The following PCDHA12 variants were observed in gnomAD, a reference collection of about 807,000 sequenced individuals.
The protein encoded by PCDHA12 is protocadherin alpha 12.
Under a neutral mutation model 60.0 loss-of-function variants are expected in PCDHA12, and 44 were observed. That is an observed-to-expected ratio of 0.73 (90% CI 0.58 to 0.94). The LOEUF is 0.94. PCDHA12 is among the 40% of genes least tolerant of loss of function. PCDHA12 has a pLI of 0.00. For synonymous variants in PCDHA12, 569 were observed against 553.0 expected (o/e 1.03, Z -0.40); for missense variants, 1,276 against 1,239.7 (o/e 1.03, Z -0.44).
At chr5:140,989,171 G>A (rs2097331816) in intron 3 of PCDHA12, among the ~76,000 whole-genome samples, 1 of 152,116 alleles carries the variant, frequency 6.6e-6, no homozygotes, top group African/African-American at 2.4e-5. Flanking sequence ...GCATAAAACA[G>A]GAGAGTTTCT....
At chr5:141,003,181 C>T (rs564008062) in intron 3 of PCDHA12, among the ~76,000 whole-genome samples, 8 of 152,328 alleles carry the variant, frequency 5.3e-5, no homozygotes, top group African/African-American at 1.7e-4. Flanking sequence ...AGGCTCAACT[C>T]CATCAACTCA....
At position 140,876,204 on chromosome 5, in the gene PCDHA12, G is replaced by A. The variant is rs1582266262; in HGVS notation, c.732G>A (p.Lys244=). The change falls in exon 1 of 4, where the codon AAG becomes AAA. Residue 244 remains lysine (K), a synonymous_variant. Coordinates refer to ENST00000398631, the MANE Select transcript of PCDHA12 (RefSeq NM_018903.4). ...ATGACAATGGTCCGGCGTTTGATAA[G>A]CCCAGCTATAAAGTAGTGTTGTCTG... is the stretch of plus-strand genomic sequence containing the variant. The part of the protein sequence containing the change: ...DVNDNGPAFD[K]PSYKVVLSEN... 6.2e-7 allele frequency: 1 copy of A among 1,613,934 alleles called. No homozygotes were observed. Among genetic ancestry groups the A allele is most frequent in the Non-Finnish European group, 8.5e-7 (1 of 1,179,896 alleles).
intron 1 of PCDHA12, among the ~76,000 whole-genome samples, chr5:140,942,069 A>G (rs1384507706): frequency 1.3e-5 from 2 of 152,234 alleles, no homozygotes; most frequent in Non-Finnish European, 2.9e-5. Flanking sequence ...TAATTGAGCC[A>G]AGAGAGCACA....
intron 1 of PCDHA12, chr5:140,967,750 C>A (rs782284231): frequency 1.4e-5 from 22 of 1,614,072 alleles, no homozygotes; most frequent in Non-Finnish European, 1.7e-6. Flanking sequence ...ATGAGGAAGC[C>A]TCCTCCTACC....
At chr5:140,965,103 A>G (rs1453303865) in intron 1 of PCDHA12, among the ~76,000 whole-genome samples, 1 of 152,234 alleles carries the variant, frequency 6.6e-6, no homozygotes, top group Non-Finnish European at 1.5e-5. Context: ...TAGCTAGAAA[A>G]TGACCCATAG....
At chr5:140,926,165 T>A (rs570168495) in intron 1 of PCDHA12, among the ~76,000 whole-genome samples, 31 of 151,794 alleles carry the variant, frequency 2.0e-4, no homozygotes, top group Admixed American at 1.5e-3. Flanking sequence ...TGCAGCAGGA[T>A]CCAGCGCGGA....
At chr5:140,942,668 A>G (rs1047486718) in intron 1 of PCDHA12, among the ~76,000 whole-genome samples, 7 of 152,336 alleles carry the variant, frequency 4.6e-5, no homozygotes, top group Admixed American at 2.0e-4. Flanking sequence ...CAATAAGCAC[A>G]AAAGTTTTAG....
At chr5:140,884,585 A>C in intron 1 of PCDHA12, 2 of 1,614,190 alleles carry the variant, frequency 1.2e-6, no homozygotes, top group Non-Finnish European at 1.7e-6. Context: ...CATGGCCTTC[A>C]GTCCCAGCCT....
intron 1 of PCDHA12, among the ~76,000 whole-genome samples, chr5:140,934,783 A>C (rs2090034582): frequency 6.6e-6 from 1 of 152,180 alleles, no homozygotes; most frequent in Non-Finnish European, 1.5e-5. Context: ...GGCCCAATCC[A>C]TGTCAATTAT....
At chr5:140,968,341 C>T in intron 1 of PCDHA12, 1 of 1,614,132 alleles carries the variant, frequency 6.2e-7, no homozygotes, top group Non-Finnish European at 8.5e-7. Context: ...TCTCCATTAA[C>T]AGTGCCAGTG....
At chr5:140,948,237 T>C (rs532703710) in intron 1 of PCDHA12, among the ~76,000 whole-genome samples, 1 of 151,810 alleles carries the variant, frequency 6.6e-6, no homozygotes, top group South Asian at 2.1e-4. Flanking sequence ...ACTTGTATTT[T>C]AGTAAATATT....
intron 1 of PCDHA12, among the ~76,000 whole-genome samples, chr5:140,972,862 T>C (rs781936892): frequency 2.0e-5 from 3 of 151,966 alleles, no homozygotes; most frequent in Non-Finnish European, 4.4e-5. Context: ...TGGGGTTTCA[T>C]CATGTTGTCC....
intron 3 of PCDHA12, among the ~76,000 whole-genome samples, chr5:140,997,970 G>A (rs2097791868): frequency 2.0e-5 from 3 of 152,106 alleles, no homozygotes; most frequent in Admixed American, 2.0e-4. Context: ...ACCTGTGGTT[G>A]GACTGCACTT....
At chr5:140,888,488 C>T (rs1257053839) in intron 1 of PCDHA12, among the ~76,000 whole-genome samples, 2 of 152,204 alleles carry the variant, frequency 1.3e-5, no homozygotes, top group African/African-American at 2.4e-5. Context: ...TGTTGAGAAA[C>T]TCTGCTTTAA....
intron 1 of PCDHA12, among the ~76,000 whole-genome samples, chr5:140,887,801 G>C (rs1377550372): frequency 1.3e-5 from 2 of 151,856 alleles, no homozygotes; most frequent in Admixed American, 1.3e-4. Context: ...CTTTATTTTT[G>C]TCCATTTCTT....
At chr5:140,888,558 C>G (rs782768307) in intron 1 of PCDHA12, among the ~76,000 whole-genome samples, 1 of 152,188 alleles carries the variant, frequency 6.6e-6, no homozygotes, top group Non-Finnish European at 1.5e-5. Flanking sequence ...TTATTCCTTT[C>G]AAGGCTTCAT....
intron 1 of PCDHA12, among the ~76,000 whole-genome samples, chr5:140,881,872 A>C (rs907896928): frequency 6.6e-6 from 1 of 152,240 alleles, no homozygotes; most frequent in South Asian, 2.1e-4. Context: ...TTGTGGCAAA[A>C]TGAAACTCAT....
At chr5:140,923,659 G>A in intron 1 of PCDHA12, among the ~76,000 whole-genome samples, 1 of 152,224 alleles carries the variant, frequency 6.6e-6, no homozygotes, top group East Asian at 1.9e-4. Context: ...CTTATCTTTG[G>A]GATATCGTTC....
intron 1 of PCDHA12, among the ~76,000 whole-genome samples, chr5:140,879,010 G>C (rs2057809352): frequency 6.6e-6 from 1 of 152,200 alleles, no homozygotes; most frequent in Non-Finnish European, 1.5e-5. Context: ...CTAGAAATCA[G>C]ATAATGTTTT....
Sources: gnomAD v4.1 joint callset for allele counts (sites outside exome capture counted in the v4.1 genomes callset) on GRCh38, gnomAD v4.1.1 for gene constraint, MANE v1.5 for transcripts, NCBI Gene and HGNC (gene_info 2026-07-23, HGNC 2026-07-21) for gene names.